Variants in GRB14 observed in about 807,000 individuals in gnomAD.
GRB14 encodes the protein growth factor receptor-bound protein 14.
GRB14 carries 38 observed loss-of-function variants against 69.1 expected under a neutral mutation model. That is an observed-to-expected ratio of 0.55 (90% CI 0.42 to 0.72). The LOEUF (loss-of-function observed/expected upper bound fraction) is 0.72, where lower values mean the gene tolerates loss of function less well. GRB14 is among the 30% of genes least tolerant of loss of function. GRB14 has a pLI of 0.00. For missense variants in GRB14, 666 were observed against 666.1 expected (o/e 1.00, Z 0.00); for synonymous variants, 247 against 241.3 (o/e 1.02, Z -0.22).
intron 2 of GRB14, among the ~76,000 whole-genome samples, chr2:164,599,462 T>C (rs1689863951): frequency 6.6e-6 from 1 of 152,160 alleles, no homozygotes; most frequent in South Asian, 2.1e-4. Flanking sequence ...CTCTATCCAA[T>C]GTTTCATAGC....
intron 2 of GRB14, among the ~76,000 whole-genome samples, chr2:164,580,503 G>A (rs995630255): frequency 1.3e-4 from 20 of 150,320 alleles, no homozygotes; most frequent in African/African-American, 3.2e-4. Context: ...TCAGGAGTTC[G>A]AGACCAGCCT....
Position 164,527,056 on chromosome 2 carries a change from A to T in GRB14, c.561T>A (p.Phe187Leu). 1 of 1,597,388 alleles carries T rather than the reference A, an allele frequency of 6.3e-7. No individual in the cohort carries two copies. The highest frequency in any genetic ancestry group is 8.6e-7 in the Non-Finnish European group (1 of 1,167,212). Residue 187 changes from phenylalanine (F) to leucine (L), a missense_variant, in exon 4 of 14, where the codon TTT becomes TTA. Physicochemically the swap from Phe to Leu is conservative, Grantham distance 22. Transcript: ENST00000263915. ...ACTCATATTTGGCATAATTTTTTCT[A>T]AAGTATAGTTTGTTTTCTTCTTCTA... ...WGIEEENKLY[F>L]RKNYAKYEFF... is the part of the protein sequence containing the mutation.
At chr2:164,561,081 C>T (rs1254104396) in intron 2 of GRB14, among the ~76,000 whole-genome samples, 2 of 152,038 alleles carry the variant, frequency 1.3e-5, no homozygotes, top group African/African-American at 2.4e-5. Context: ...AGTCTGAGAC[C>T]GTTCATTAGC....
chr2:164,592,295 A>G (rs1397480938), intron 2 of GRB14, among the ~76,000 whole-genome samples: 2 of 151,838 alleles, frequency 1.3e-5, no homozygotes, highest in Non-Finnish European at 2.9e-5. Context: ...TCATCACGCC[A>G]GGTTAATTTT....
chr2:164,526,320 T>C (rs1333220480), intron 4 of GRB14, among the ~76,000 whole-genome samples: 2 of 152,034 alleles, frequency 1.3e-5, no homozygotes, highest in African/African-American at 2.4e-5. Flanking sequence ...ACAAAAACAA[T>C]TTAAAATAAT....
chr2:164,579,157 C>T (rs1416561085), intron 2 of GRB14, among the ~76,000 whole-genome samples: 2 of 152,030 alleles, frequency 1.3e-5, no homozygotes, highest in Admixed American at 1.3e-4. Flanking sequence ...TTCTTAGAAA[C>T]CGTGACTTTA....
chr2:164,508,913 T>C, intron 6 of GRB14, 61 bp from the exon 7 acceptor site: 3 of 1,156,492 alleles, frequency 2.6e-6, no homozygotes, highest in South Asian at 3.9e-5. Context: ...TGTGTGTTTA[T>C]ATTATATAAT....
chr2:164,610,480 C>T (rs1024435952), intron 2 of GRB14, among the ~76,000 whole-genome samples: 3 of 151,860 alleles, frequency 2.0e-5, no homozygotes, highest in Non-Finnish European at 4.4e-5. Flanking sequence ...TTTTAAAATC[C>T]ACTTAGTCCA....
chr2:164,528,164 TG>T (rs1031293045), intron 3 of GRB14, among the ~76,000 whole-genome samples: 1 of 152,002 alleles, frequency 6.6e-6, no homozygotes, highest in Admixed American at 6.6e-5. Context: ...ATTAAGTAAG[TG>T]GGGGCATGAA....
At chr2:164,500,712 C>A (rs1687026577) in intron 9 of GRB14, among the ~76,000 whole-genome samples, 1 of 152,220 alleles carries the variant, frequency 6.6e-6, no homozygotes, top group Non-Finnish European at 1.5e-5. Flanking sequence ...ACCACACAGG[C>A]ACCTGCATCC....
chr2:164,564,274 T>C (rs1688909232), intron 2 of GRB14, among the ~76,000 whole-genome samples: 1 of 152,078 alleles, frequency 6.6e-6, no homozygotes, highest in Non-Finnish European at 1.5e-5. Flanking sequence ...TATGCTGCAG[T>C]GAAGGCTTCA....
chr2:164,571,672 C>T (rs1361661432), intron 2 of GRB14, among the ~76,000 whole-genome samples: 2 of 152,116 alleles, frequency 1.3e-5, no homozygotes, highest in Non-Finnish European at 2.9e-5. Context: ...ACTTAATGCT[C>T]ACAACTCTAT....
At chr2:164,547,838 A>G in intron 2 of GRB14, 22 bp from the exon 3 acceptor site, 2 of 1,553,670 alleles carry the variant, frequency 1.3e-6, no homozygotes, top group Non-Finnish European at 1.8e-6. Flanking sequence ...GAAACAAGAA[A>G]AAGACCTAAA....
chr2:164,581,582 C>A (rs1646344723), intron 2 of GRB14, among the ~76,000 whole-genome samples: 1 of 152,078 alleles, frequency 6.6e-6, no homozygotes, highest in African/African-American at 2.4e-5. Flanking sequence ...CCCAAACCCA[C>A]CAGAACAAAT....
At chr2:164,589,678 C>G (rs1202529758) in intron 2 of GRB14, among the ~76,000 whole-genome samples, 2 of 152,086 alleles carry the variant, frequency 1.3e-5, no homozygotes, top group African/African-American at 4.8e-5. Context: ...ATGGCCCAAA[C>G]AGAAGTAGGC....
At chr2:164,499,312 C>T (rs185899128) in intron 9 of GRB14, among the ~76,000 whole-genome samples, 26 of 152,112 alleles carry the variant, frequency 1.7e-4, no homozygotes, top group Middle Eastern at 3.4e-3. Flanking sequence ...CATAAGAAGA[C>T]GACACTACAA....
chr2:164,493,065 T>G lies in GRB14; in HGVS notation c.1594A>C (p.Lys532Gln). The G allele has an allele frequency of 6.2e-7, 1 of 1,613,654 alleles. No individual in the cohort carries two copies. Among genetic ancestry groups the G allele is most frequent in the Non-Finnish European group, 8.5e-7 (1 of 1,179,680 alleles). ...AGAGCAATCCTAGCACAATAATGTTTCAACTTGCAAGGAAGAACGCCCTTA... is the reference window on the plus strand; with the variant it reads ...AGAGCAATCCTAGCACAATAATGTTGCAACTTGCAAGGAAGAACGCCCTTA... Reference protein sequence around the residue: ...LNKGVLPCKLKHYCARIAL With the variant: ...LNKGVLPCKLQHYCARIAL The change falls in exon 14 of 14, where the codon AAA becomes CAA. Residue 532 changes from lysine (K) to glutamine (Q), a missense_variant. Transcript: ENST00000263915.
At chr2:164,496,358 G>C (rs1446945928) in intron 12 of GRB14, among the ~76,000 whole-genome samples, 1 of 152,120 alleles carries the variant, frequency 6.6e-6, no homozygotes, top group Non-Finnish European at 1.5e-5. Context: ...TGAGTAATTT[G>C]AGAAAAATAA....
At position 164,508,488 on chromosome 2, in the gene GRB14, C is replaced by G. The variant is rs1357597748; in HGVS notation, c.990G>C (p.Arg330Ser). The G allele has an allele frequency of 6.2e-7, 1 of 1,614,104 alleles. No homozygotes were observed. The highest frequency in any genetic ancestry group is 1.7e-5 in the Admixed American group (1 of 60,000). ...ATCTAATCGCGGTCACCCAGCACGT[C>G]CTACTCTGCTCTTCTTCTGCACAGA... ...KMLCAEEEQS[R>S]TCWVTAIRLL... Residue 330 changes from arginine (R) to serine (S), a missense_variant, in exon 8 of 14, where the codon AGG becomes AGC. By Grantham distance (110) the Arg-to-Ser change is moderately radical. Transcript: ENST00000263915.
Sources: gnomAD v4.1 joint callset for allele counts (sites outside exome capture counted in the v4.1 genomes callset) on GRCh38, gnomAD v4.1.1 for gene constraint, MANE v1.5 for transcripts, NCBI Gene and HGNC (gene_info 2026-07-23, HGNC 2026-07-21) for gene names.